Variants in LYPD6B observed in about 807,000 individuals in gnomAD.
LYPD6B encodes LY6/PLAUR domain containing 6B.
LYPD6B carries 17 observed loss-of-function variants against 22.8 expected under a neutral mutation model. The observed-to-expected ratio is 0.75, with a 90% confidence interval of 0.51 to 1.12. The LOEUF (loss-of-function observed/expected upper bound fraction) is 1.12, where lower values mean the gene tolerates loss of function less well. Among genes scored for constraint, LYPD6B ranks in the 50% most tolerant of loss-of-function variants. LYPD6B has a pLI of 0.00. For missense variants in LYPD6B, 221 were observed against 258.3 expected, an observed-to-expected ratio of 0.86 and a Z score of 0.99; for synonymous variants, 106 against 91.6, an observed-to-expected ratio of 1.16 and a Z score of -0.90.
intron 3 of LYPD6B, among the ~76,000 whole-genome samples, chr2:149,204,310 G>A (rs1693364478): frequency 6.6e-6 from 1 of 152,220 alleles, no homozygotes; most frequent in Non-Finnish European, 1.5e-5. Context: ...CTGAACCAAA[G>A]TCTTCGGGTT....
intron 1 of LYPD6B, among the ~76,000 whole-genome samples, chr2:149,110,432 C>A (rs1044325386): frequency 1.3e-5 from 2 of 151,922 alleles, no homozygotes; most frequent in Non-Finnish European, 2.9e-5. Context: ...TTTTTGCATT[C>A]CTGTAAATAT....
intron 1 of LYPD6B, among the ~76,000 whole-genome samples, chr2:149,095,673 A>G (rs1206090146): frequency 6.6e-6 from 1 of 152,164 alleles, no homozygotes; most frequent in African/African-American, 2.4e-5. Flanking sequence ...AGAGATCTCA[A>G]GTAAGTGAAA....
intron 1 of LYPD6B, among the ~76,000 whole-genome samples, chr2:149,082,493 C>T (rs1685182255): frequency 6.6e-6 from 1 of 152,096 alleles, no homozygotes; most frequent in Admixed American, 6.6e-5. Flanking sequence ...GAAGTTCTTC[C>T]CACCCCCAGT....
chr2:149,125,526 A>G (rs1162596044), intron 1 of LYPD6B, among the ~76,000 whole-genome samples: 1 of 152,094 alleles, frequency 6.6e-6, no homozygotes, highest in East Asian at 1.9e-4. Context: ...GGAGTGGATT[A>G]GGTTAGGAGG....
chr2:149,149,705 A>G (rs998948797), intron 2 of LYPD6B, among the ~76,000 whole-genome samples: 1 of 152,158 alleles, frequency 6.6e-6, no homozygotes, highest in Non-Finnish European at 1.5e-5. Context: ...TTCCCTGTGT[A>G]TAACCTCCCC....
intron 1 of LYPD6B, among the ~76,000 whole-genome samples, chr2:149,071,607 G>A (rs1311577758): frequency 1.3e-5 from 2 of 152,096 alleles, no homozygotes; most frequent in African/African-American, 4.8e-5. Context: ...AATAACAATG[G>A]CTGTGATTTC....
chr2:149,085,427 A>G (rs566927839), intron 1 of LYPD6B, among the ~76,000 whole-genome samples: 1 of 152,362 alleles, frequency 6.6e-6, no homozygotes, highest in African/African-American at 2.4e-5. Flanking sequence ...TGAAGGGAAG[A>G]CTTTGGCCCC....
intron 1 of LYPD6B, among the ~76,000 whole-genome samples, chr2:149,100,434 A>AAG (rs1393462721): frequency 4.0e-5 from 6 of 151,378 alleles, no homozygotes; most frequent in Admixed American, 6.6e-5. Flanking sequence ...AAAAAAAAAA[A>AAG]AAAAAAAGCC....
At chr2:149,213,547 C>A (rs1694006779) in intron 6 of LYPD6B, among the ~76,000 whole-genome samples, 1 of 152,214 alleles carries the variant, frequency 6.6e-6, no homozygotes, top group African/African-American at 2.4e-5. Flanking sequence ...TTAACGTTCT[C>A]ATTCTATCAT....
chr2:149,171,431 G>C (rs1438056463), intron 3 of LYPD6B, among the ~76,000 whole-genome samples: 3 of 151,804 alleles, frequency 2.0e-5, no homozygotes, highest in African/African-American at 7.3e-5. Context: ...TCAGTATCTG[G>C]GTCTGCAAAA....
intron 1 of LYPD6B, among the ~76,000 whole-genome samples, chr2:149,112,562 C>T (rs1056124152): frequency 1.3e-5 from 2 of 151,990 alleles, no homozygotes; most frequent in East Asian, 1.9e-4. Flanking sequence ...AAATCTGGCT[C>T]GCATATACAT....
chr2:149,213,205 A>G lies in LYPD6B; in HGVS notation c.459+83A>G, dbSNP rs1380115742. 6.5e-6 allele frequency: 10 copies of G among 1,529,158 alleles called. No individual in the cohort carries two copies. In the East Asian group the frequency reaches 2.3e-4, roughly 35 times the overall value. The allele number at this position is 1,529,158 out of a possible 1,614,324, so 94.7% of individuals were successfully genotyped here. A position where few individuals can be genotyped will look rare whatever the true frequency, so the allele number is the denominator to read the frequency against. On this transcript the variant is annotated intron_variant, in intron 6 of 6. Transcript: ENST00000409642. ...AGATCAAAGGAGAGGCAGGAAGGAT[A>G]GTAATATGTGGACCATGTTTACATT... is the stretch of plus-strand genomic sequence containing the variant.
At chr2:149,138,808 A>G (rs1392155679) in intron 2 of LYPD6B, among the ~76,000 whole-genome samples, 1 of 152,208 alleles carries the variant, frequency 6.6e-6, no homozygotes, top group African/African-American at 2.4e-5. Context: ...TTGGCCTCCC[A>G]AAGTGCTAGG....
chr2:149,083,861 G>T (rs981582090), intron 1 of LYPD6B, among the ~76,000 whole-genome samples: 3 of 152,086 alleles, frequency 2.0e-5, no homozygotes, highest in Non-Finnish European at 4.4e-5. Flanking sequence ...TGGATCACAA[G>T]GTCAGCAGTT....
intron 1 of LYPD6B, among the ~76,000 whole-genome samples, chr2:149,065,715 T>G (rs1448295787): frequency 6.6e-6 from 1 of 152,124 alleles, no homozygotes; most frequent in Non-Finnish European, 1.5e-5. Flanking sequence ...ACTTATTTAT[T>G]TATTTATTTT....
chr2:149,161,077 G>A (rs1690036479), intron 3 of LYPD6B, among the ~76,000 whole-genome samples: 1 of 152,158 alleles, frequency 6.6e-6, no homozygotes, highest in Admixed American at 6.5e-5. Flanking sequence ...TCAGCGAATG[G>A]TTGGTAGATC....
chr2:149,157,459 C>A (rs2105864670), intron 2 of LYPD6B, among the ~76,000 whole-genome samples: 1 of 152,314 alleles, frequency 6.6e-6, no homozygotes, highest in Admixed American at 6.5e-5. Context: ...TGCTAACAAT[C>A]TGCGATGACA....
chr2:149,188,430 C>G (rs1692269830), intron 3 of LYPD6B, among the ~76,000 whole-genome samples: 1 of 152,146 alleles, frequency 6.6e-6, no homozygotes, highest in African/African-American at 2.4e-5. Context: ...GTTCTAAGCC[C>G]TTGCACCGAG....
chr2:149,055,697 A>G (rs961806651), intron 1 of LYPD6B, among the ~76,000 whole-genome samples: 11 of 152,194 alleles, frequency 7.2e-5, no homozygotes, highest in African/African-American at 2.7e-4. Flanking sequence ...ATAGGAATAC[A>G]GTTAATTCTT....
Sources: gnomAD v4.1 joint callset for allele counts (sites outside exome capture counted in the v4.1 genomes callset) on GRCh38, gnomAD v4.1.1 for gene constraint, MANE v1.5 for transcripts, NCBI Gene and HGNC (gene_info 2026-07-23, HGNC 2026-07-21) for gene names.